SUCLG2: variants seen among roughly 807,000 people sequenced by gnomAD.
The protein encoded by SUCLG2 is succinate--CoA ligase [GDP-forming] subunit beta, mitochondrial.
A neutral mutation model predicts 47.9 loss-of-function variants in SUCLG2; 42 were observed. That is an observed-to-expected ratio of 0.88 (90% CI 0.69 to 1.14). The LOEUF (loss-of-function observed/expected upper bound fraction) is 1.14. SUCLG2 is among the 50% of genes most tolerant of loss of function. SUCLG2 has a pLI of 0.00. For synonymous variants in SUCLG2, 195 were observed against 197.3 expected (o/e 0.99, Z 0.10); for missense variants, 571 against 525.9 (o/e 1.09, Z -0.84).
Position 67,495,878 on chromosome 3 carries a change from C to G in SUCLG2, c.982G>C (p.Ala328Pro). 6.2e-7 allele frequency: 1 copy of G among 1,614,088 alleles called. No individual in the cohort carries two copies. Residue 328 changes from alanine to proline, a missense_variant, in exon 9 of 11, where the codon GCC becomes CCC. Ala to Pro is a conservative substitution (Grantham distance 27). Transcript: ENST00000307227. ...DIIFLNGGKP[A>P]NFLDLGGGVK... ...CCACCTCCAAGATCCAAGAAGTTGG[C>G]TGGCTTCCCACCATTAAGGAAAATG... is the stretch of plus-strand genomic sequence containing the variant.
chr3:67,407,149 T>C (rs1702831905), intron 9 of SUCLG2, among the ~76,000 whole-genome samples: 1 of 152,202 alleles, frequency 6.6e-6, no homozygotes, highest in East Asian at 1.9e-4. Flanking sequence ...TAAATAAGCA[T>C]GGTGTATTCC....
intron 1 of SUCLG2, among the ~76,000 whole-genome samples, chr3:67,631,276 T>G (rs965817889): frequency 6.6e-6 from 1 of 152,192 alleles, no homozygotes; most frequent in African/African-American, 2.4e-5. Flanking sequence ...ACCCTCTTGT[T>G]ACCTGCAGTG....
intron 9 of SUCLG2, among the ~76,000 whole-genome samples, chr3:67,426,102 T>A (rs1425555900): frequency 6.6e-6 from 1 of 152,178 alleles, no homozygotes. Flanking sequence ...TAAGTCTCTA[T>A]TCCAGGAGGT....
At chr3:67,524,991 G>A (rs1453606273) in intron 4 of SUCLG2, among the ~76,000 whole-genome samples, 5 of 152,202 alleles carry the variant, frequency 3.3e-5, no homozygotes, top group African/African-American at 9.7e-5. Flanking sequence ...AATTAACAAT[G>A]AGCATGTTGG....
At chr3:67,365,354 T>C (rs1267057559) in intron 10 of SUCLG2, among the ~76,000 whole-genome samples, 2 of 152,214 alleles carry the variant, frequency 1.3e-5, no homozygotes, top group Non-Finnish European at 2.9e-5. Context: ...ATGTAGGTTA[T>C]GAAAGCCACC....
chr3:67,386,502 T>C (rs1333179634), intron 10 of SUCLG2, among the ~76,000 whole-genome samples: 1 of 152,090 alleles, frequency 6.6e-6, no homozygotes, highest in Non-Finnish European at 1.5e-5. Context: ...GGGTAATTGA[T>C]AAAGGAAAGG....
chr3:67,497,178 A>G (rs138089663), intron 8 of SUCLG2, among the ~76,000 whole-genome samples: 1 of 152,308 alleles, frequency 6.6e-6, no homozygotes, highest in East Asian at 1.9e-4. Context: ...AGCTTTTGGT[A>G]TCACTTGTAA....
At chr3:67,470,393 T>G (rs185483651) in intron 9 of SUCLG2, among the ~76,000 whole-genome samples, 88 of 152,358 alleles carry the variant, frequency 5.8e-4, no homozygotes, top group African/African-American at 1.9e-3. Flanking sequence ...CTTATTTACA[T>G]GCTTTTCTCT....
intron 8 of SUCLG2, among the ~76,000 whole-genome samples, chr3:67,497,680 C>A (rs1253841070): frequency 6.6e-6 from 1 of 151,840 alleles, no homozygotes; most frequent in East Asian, 1.9e-4. Context: ...AGTTGAGCAG[C>A]AAAGGTTCTA....
At chr3:67,457,684 CTTTTT>C (rs71109889) in intron 9 of SUCLG2, among the ~76,000 whole-genome samples, 9 of 65,506 alleles carry the variant, frequency 1.4e-4, no homozygotes, top group Non-Finnish European at 1.6e-4. Context: ...ACAAAAGCAG[CTTTTT>C]TTTTTTTTTT....
intron 9 of SUCLG2, among the ~76,000 whole-genome samples, chr3:67,428,304 C>T (rs1703362169): frequency 6.6e-6 from 1 of 152,220 alleles, no homozygotes; most frequent in Admixed American, 6.5e-5. Flanking sequence ...TGTCCTGCAG[C>T]CTCTGCTGGT....
At chr3:67,416,157 A>C (rs1703034915) in intron 9 of SUCLG2, among the ~76,000 whole-genome samples, 2 of 152,196 alleles carry the variant, frequency 1.3e-5, no homozygotes, top group African/African-American at 4.8e-5. Flanking sequence ...CTGAGGCAGA[A>C]CCAACCTACA....
intron 9 of SUCLG2, among the ~76,000 whole-genome samples, chr3:67,417,404 C>T (rs9878336): frequency 0.086 from 13,050 of 152,276 alleles, 668 homozygotes; most frequent in African/African-American, 0.14. Flanking sequence ...CCTTAAACAA[C>T]TGTATTCAGA....
intron 9 of SUCLG2, among the ~76,000 whole-genome samples, chr3:67,431,951 G>A (rs1703495435): frequency 6.6e-6 from 1 of 152,164 alleles, no homozygotes; most frequent in Admixed American, 6.6e-5. Flanking sequence ...TCAGCAGCTG[G>A]TGGCTCAATT....
At chr3:67,624,553 G>A (rs1175389580) in intron 1 of SUCLG2, among the ~76,000 whole-genome samples, 1 of 152,004 alleles carries the variant, frequency 6.6e-6, no homozygotes, top group Non-Finnish European at 1.5e-5. Context: ...AAATTCCATG[G>A]CCCTCCCCAA....
intron 9 of SUCLG2, among the ~76,000 whole-genome samples, chr3:67,428,795 A>T (rs1449960290): frequency 6.6e-6 from 1 of 152,202 alleles, no homozygotes; most frequent in Non-Finnish European, 1.5e-5. Context: ...TGAGAACTAC[A>T]TGATGCATGC....
downstream of SUCLG2, among the ~76,000 whole-genome samples, chr3:67,373,868 A>G (rs1701986341): frequency 6.6e-6 from 1 of 152,206 alleles, no homozygotes; most frequent in African/African-American, 2.4e-5. Context: ...GAATAAAACA[A>G]TTAGAGACAA....
rs527628495 is a variant in SUCLG2 at position 67,395,059 on chromosome 3, G to T, written c.1183+5672C>A. On this transcript the variant is annotated intron_variant, in intron 10 of 10. Coordinates refer to ENST00000307227, the MANE Select transcript of SUCLG2 (RefSeq NM_003848.4). ...GAAAGGAACAACCGGTACCAGCCGC[G>T]GCAAAATCATGCCAAAATGTAAAGA... is the stretch of plus-strand genomic sequence containing the variant. Among the ~76,000 whole-genome samples the T allele has an allele frequency of 4.2e-3, 634 of 151,926 alleles. 6 individuals are homozygous for T. Among genetic ancestry groups the T allele is most frequent in the African/African-American group, 0.014 (573 of 41,400 alleles).
At chr3:67,392,718 G>C (rs1178346653) in intron 10 of SUCLG2, among the ~76,000 whole-genome samples, 1 of 152,154 alleles carries the variant, frequency 6.6e-6, no homozygotes, top group Non-Finnish European at 1.5e-5. Flanking sequence ...AGAAGACTAT[G>C]TTGGCATTTG....
Sources: gnomAD v4.1 joint callset for allele counts (sites outside exome capture counted in the v4.1 genomes callset) on GRCh38, gnomAD v4.1.1 for gene constraint, MANE v1.5 for transcripts, NCBI Gene and HGNC (gene_info 2026-07-23, HGNC 2026-07-21) for gene names.